The following GATAD2A variants were observed in gnomAD, a reference collection of about 807,000 sequenced individuals.
GATAD2A encodes transcriptional repressor p66-alpha.
A neutral mutation model predicts 68.5 loss-of-function variants in GATAD2A; 12 were observed. That is an observed-to-expected ratio of 0.18 (90% CI 0.11 to 0.28). The LOEUF is 0.28. Ranked by LOEUF, GATAD2A falls within the 10% of genes least tolerant of loss-of-function variation. The probability of loss-of-function intolerance (pLI) is 1.00; values close to 1 mark genes in which losing one functional copy is unlikely to be tolerated. For missense variants in GATAD2A, 755 were observed against 868.5 expected, an observed-to-expected ratio of 0.87 and a Z score of 1.64; for synonymous variants, 410 against 375.3, an observed-to-expected ratio of 1.09 and a Z score of -1.07.
At chr19:19,478,699 A>G (rs2058843530) in intron 2 of GATAD2A, among the ~76,000 whole-genome samples, 2 of 151,950 alleles carry the variant, frequency 1.3e-5, no homozygotes, top group African/African-American at 2.4e-5. Context: ...AGTCCCAGCT[A>G]TTCGGGAAGC....
chr19:19,486,315 T>C (rs888057201), intron 2 of GATAD2A, among the ~76,000 whole-genome samples: 2 of 152,218 alleles, frequency 1.3e-5, no homozygotes, highest in African/African-American at 4.8e-5. Flanking sequence ...GCCCTTATCT[T>C]CCCAGTGTTG....
At chr19:19,469,079 G>A (rs1336196282) in intron 2 of GATAD2A, among the ~76,000 whole-genome samples, 2 of 152,174 alleles carry the variant, frequency 1.3e-5, no homozygotes, top group African/African-American at 4.8e-5. Flanking sequence ...TTGTGATTAA[G>A]ATGCTTACTG....
chr19:19,503,665 TG>T (rs1250283901), intron 11 of GATAD2A, among the ~76,000 whole-genome samples: 1 of 151,904 alleles, frequency 6.6e-6, no homozygotes, highest in Non-Finnish European at 1.5e-5. Context: ...TGTGTGTGTG[TG>T]TGTGTGTTTA....
At chr19:19,502,106 C>G in intron 10 of GATAD2A, 63 bp downstream of exon 10, 1 of 1,220,432 alleles carries the variant, frequency 8.2e-7, no homozygotes, top group Non-Finnish European at 1.2e-6. Flanking sequence ...CCACGTCAGT[C>G]GCCGACTGTC....
Position 19,465,470 on chromosome 19 carries a change from C to G in GATAD2A, c.125C>G (p.Thr42Ser). Residue 42 changes from threonine to serine, a missense_variant, in exon 2 of 12, where the codon ACT becomes AGT. Physicochemically the swap from Thr to Ser is moderately conservative, Grantham distance 58. Coordinates refer to ENST00000683918, the MANE Select transcript of GATAD2A (RefSeq NM_001384528.1). The part of the protein sequence containing the change: ...ERGLLASDLN[T>S]DGDMRVTPEP... ...GGATTGTTGGCTTCAGATTTAAACA[C>G]TGACGGAGACATGAGGGTGACACCT... 6.2e-7 allele frequency: 1 copy of G among 1,613,954 alleles called. No individual in the cohort carries two copies. Among genetic ancestry groups the G allele is most frequent in the Non-Finnish European group, 8.5e-7 (1 of 1,179,792 alleles).
At chr19:19,460,385 G>T (rs1413451422) in intron 1 of GATAD2A, among the ~76,000 whole-genome samples, 1 of 152,204 alleles carries the variant, frequency 6.6e-6, no homozygotes, top group East Asian at 1.9e-4. Flanking sequence ...GGGTCCTTGT[G>T]TCTTGAGTGT....
At chr19:19,451,131 T>C (rs1436580561) in intron 1 of GATAD2A, among the ~76,000 whole-genome samples, 1 of 151,896 alleles carries the variant, frequency 6.6e-6, no homozygotes, top group Non-Finnish European at 1.5e-5. Context: ...TCCCAGCACC[T>C]TGTGAGTCTG....
At chr19:19,451,712 G>A (rs566710404) in intron 1 of GATAD2A, among the ~76,000 whole-genome samples, 1 of 152,286 alleles carries the variant, frequency 6.6e-6, no homozygotes, top group Admixed American at 6.5e-5. Context: ...TGGTGATTCC[G>A]GCCCTTGTGT....
chr19:19,435,980 GT>G (rs773717576), intron 1 of GATAD2A, among the ~76,000 whole-genome samples: 37 of 152,288 alleles, frequency 2.4e-4, no homozygotes, highest in Middle Eastern at 6.8e-3. Flanking sequence ...TCCTCCGACT[GT>G]CCCCATTGTG....
At chr19:19,446,823 T>C (rs2055778874) in intron 1 of GATAD2A, among the ~76,000 whole-genome samples, 1 of 152,194 alleles carries the variant, frequency 6.6e-6, no homozygotes, top group Non-Finnish European at 1.5e-5. Flanking sequence ...TCTTCCAAAG[T>C]GTTGGGATTA....
chr19:19,401,607 T>C (rs1208172637), upstream of GATAD2A, among the ~76,000 whole-genome samples: 1 of 152,118 alleles, frequency 6.6e-6, no homozygotes, highest in East Asian at 1.9e-4. Context: ...AGTATGTGCC[T>C]GTAGGCTTCT....
chr19:19,442,772 A>G (rs552758917), intron 1 of GATAD2A, among the ~76,000 whole-genome samples: 1,493 of 112,376 alleles, frequency 0.013, 29 homozygotes, highest in African/African-American at 0.049. Context: ...CCCCAAGCTG[A>G]AAAAAAAAAA....
chr19:19,480,774 C>T lies in GATAD2A; in HGVS notation c.270-11532C>T, dbSNP rs573015764. On this transcript the variant is annotated intron_variant, in intron 2 of 11. Coordinates refer to ENST00000683918, the MANE Select transcript of GATAD2A (RefSeq NM_001384528.1). ...GTGGTCCTCGTGGGTCACTTGTGGC[C>T]ATTCTGCACTGAGCAACTGGAGCAG... 7.2e-5 allele frequency among the ~76,000 whole-genome samples: 11 copies of T among 152,336 alleles called. No individual in the cohort carries two copies. In the East Asian group the frequency reaches 2.1e-3, roughly 29 times the overall value.
At chr19:19,503,511 C>T (rs1341641836) in intron 11 of GATAD2A, among the ~76,000 whole-genome samples, 2 of 152,226 alleles carry the variant, frequency 1.3e-5, no homozygotes, top group African/African-American at 4.8e-5. Context: ...ACGTTCTGCT[C>T]AGCAGGTTTA....
chr19:19,495,007 T>C (rs1600284701), intron 5 of GATAD2A, among the ~76,000 whole-genome samples: 1 of 152,364 alleles, frequency 6.6e-6, no homozygotes, highest in East Asian at 1.9e-4. Context: ...GCCTTGTTAG[T>C]TTGTTTGAGA....
At chr19:19,474,932 A>G (rs929080699) in intron 2 of GATAD2A, among the ~76,000 whole-genome samples, 2 of 152,148 alleles carry the variant, frequency 1.3e-5, no homozygotes, top group Admixed American at 6.5e-5. Flanking sequence ...TAAGCCCGTC[A>G]CCCTTGTCCC....
chr19:19,445,800 G>A (rs1160367753), intron 1 of GATAD2A, among the ~76,000 whole-genome samples: 2 of 152,066 alleles, frequency 1.3e-5, no homozygotes, highest in Non-Finnish European at 2.9e-5. Context: ...ACCACATTTT[G>A]TTTATCCATT....
chr19:19,502,368 C>T lies in GATAD2A; in HGVS notation c.1616C>T (p.Pro539Leu), dbSNP rs2060592185. 6.2e-7 allele frequency: 1 copy of T among 1,613,356 alleles called. No homozygotes were observed. Among genetic ancestry groups the T allele is most frequent in the Non-Finnish European group, 8.5e-7 (1 of 1,179,874 alleles). ...SQLSRGSATT[P>L]RGVLHTFSPS... The stretch of plus-strand genomic sequence containing the variant: ...CTGTCCCGGGGTTCGGCCACGACGC[C>T]CCGAGGTGTCCTGCACACGTTCAGT... Residue 539 changes from proline (P) to leucine (L), a missense_variant, in exon 11 of 12, where the codon CCC becomes CTC. By Grantham distance (98) the Pro-to-Leu change is moderately conservative (BLOSUM62 -3). Transcript: ENST00000683918.
intron 1 of GATAD2A, among the ~76,000 whole-genome samples, chr19:19,432,560 C>G (rs1402371318): frequency 6.6e-6 from 1 of 152,208 alleles, no homozygotes; most frequent in Non-Finnish European, 1.5e-5. Context: ...CCTCAGCCTC[C>G]CAAAGTGCTG....
Sources: allele counts gnomAD v4.1 joint callset (sites outside exome capture counted in the v4.1 genomes callset), GRCh38; gene constraint gnomAD v4.1.1; transcripts MANE v1.5; gene names NCBI Gene and HGNC (gene_info 2026-07-23, HGNC 2026-07-21).